PDLIM5: variants seen among roughly 807,000 people sequenced by gnomAD.
PDLIM5 encodes PDZ and LIM domain protein 5.
Under a neutral mutation model 64.2 loss-of-function variants are expected in PDLIM5, and 34 were observed. The observed-to-expected ratio is 0.53, with a 90% confidence interval of 0.40 to 0.71. The LOEUF (loss-of-function observed/expected upper bound fraction) is 0.71, where lower values mean the gene tolerates loss of function less well. Among genes scored for constraint, PDLIM5 ranks in the 30% least tolerant of loss-of-function variants. The pLI is 0.00. For missense variants in PDLIM5, 683 were observed against 733.6 expected (o/e 0.93, Z 0.80); for synonymous variants, 253 against 269.1 (o/e 0.94, Z 0.59).
At chr4:94,542,712 T>C (rs916752078) in intron 3 of PDLIM5, among the ~76,000 whole-genome samples, 1 of 152,234 alleles carries the variant, frequency 6.6e-6, no homozygotes, top group African/African-American at 2.4e-5. Context: ...ATTTTTATAA[T>C]TTCAGCTACT....
intron 2 of PDLIM5, among the ~76,000 whole-genome samples, chr4:94,517,493 A>G (rs1729466935): frequency 6.6e-6 from 1 of 152,216 alleles, no homozygotes; most frequent in Non-Finnish European, 1.5e-5. Context: ...TTCTGCCTCA[A>G]GAAAGTCTTG....
chr4:94,655,246 A>G (rs12650641), intron 10 of PDLIM5, among the ~76,000 whole-genome samples: 54,749 of 150,758 alleles, frequency 0.36, 10,982 homozygotes, highest in South Asian at 0.61. Context: ...CAGATACAGT[A>G]CATAATAAAT....
chr4:94,588,762 A>G (rs1736449620), intron 7 of PDLIM5, among the ~76,000 whole-genome samples: 1 of 152,120 alleles, frequency 6.6e-6, no homozygotes, highest in Admixed American at 6.6e-5. Flanking sequence ...TCAAGGGTCT[A>G]TTTTTATTTT....
At chr4:94,483,030 G>A (rs1336008654) in intron 2 of PDLIM5, among the ~76,000 whole-genome samples, 1 of 152,194 alleles carries the variant, frequency 6.6e-6, no homozygotes, top group Non-Finnish European at 1.5e-5. Context: ...AACTCTGAAA[G>A]TATCTAAATT....
chr4:94,494,326 T>C (rs1488084184), intron 2 of PDLIM5, among the ~76,000 whole-genome samples: 1 of 152,004 alleles, frequency 6.6e-6, no homozygotes, highest in Non-Finnish European at 1.5e-5. Context: ...AATTTCTGTA[T>C]ATTTTTTAAG....
chr4:94,644,723 A>G (rs933508376), intron 9 of PDLIM5, among the ~76,000 whole-genome samples: 1 of 151,932 alleles, frequency 6.6e-6, no homozygotes, highest in Non-Finnish European at 1.5e-5. Flanking sequence ...TTGTATTTTT[A>G]GTACAGATGG....
chr4:94,500,680 T>A (rs1012686398), intron 2 of PDLIM5, among the ~76,000 whole-genome samples: 1 of 152,202 alleles, frequency 6.6e-6, no homozygotes, highest in Non-Finnish European at 1.5e-5. Flanking sequence ...GAAGACTTTT[T>A]AAAAAGTTGC....
intron 2 of PDLIM5, among the ~76,000 whole-genome samples, chr4:94,486,195 A>G (rs1246936999): frequency 6.6e-6 from 1 of 151,318 alleles, no homozygotes; most frequent in African/African-American, 2.4e-5. Flanking sequence ...TAGTGTACAC[A>G]TTTTTTTTTG....
chr4:94,482,606 A>T (rs1264168053), intron 2 of PDLIM5, among the ~76,000 whole-genome samples: 1 of 152,170 alleles, frequency 6.6e-6, no homozygotes, highest in Non-Finnish European at 1.5e-5. Flanking sequence ...GTCTAAATTT[A>T]GTAGATGGGC....
At chr4:94,598,231 G>A (rs1737216211) in intron 7 of PDLIM5, among the ~76,000 whole-genome samples, 1 of 152,098 alleles carries the variant, frequency 6.6e-6, no homozygotes, top group South Asian at 2.1e-4. Context: ...AATATCAAAG[G>A]AGAAGTGGGA....
intron 8 of PDLIM5, among the ~76,000 whole-genome samples, chr4:94,634,490 T>C (rs1301420540): frequency 2.6e-5 from 4 of 152,002 alleles, no homozygotes; most frequent in African/African-American, 4.8e-5. Flanking sequence ...TTCTTTGGGA[T>C]ATCATCCCCC....
chr4:94,624,425 G>A (rs921771451), intron 8 of PDLIM5, among the ~76,000 whole-genome samples: 14 of 152,168 alleles, frequency 9.2e-5, no homozygotes, highest in African/African-American at 2.9e-4. Flanking sequence ...AAATTAGCTC[G>A]GATGCAAAAC....
chr4:94,529,954 A>G (rs994761529), intron 3 of PDLIM5, among the ~76,000 whole-genome samples: 1 of 152,214 alleles, frequency 6.6e-6, no homozygotes, highest in East Asian at 1.9e-4. Context: ...ACATTATTTC[A>G]GTTGATACAA....
intron 8 of PDLIM5, among the ~76,000 whole-genome samples, chr4:94,626,778 T>C (rs1455966324): frequency 1.3e-5 from 2 of 152,022 alleles, no homozygotes; most frequent in African/African-American, 4.8e-5. Flanking sequence ...ATCTGATATG[T>C]TGTTTCGGTG....
chr4:94,610,974 G>T, intron 7 of PDLIM5: 1 of 879,308 alleles, frequency 1.1e-6, no homozygotes. Flanking sequence ...CCTCTCTCTC[G>T]TAAAGGAAAT....
At chr4:94,647,211 AG>A (rs1172056288) in intron 9 of PDLIM5, among the ~76,000 whole-genome samples, 1 of 152,196 alleles carries the variant, frequency 6.6e-6, no homozygotes, top group Non-Finnish European at 1.5e-5. Flanking sequence ...AGAGAGTGGA[AG>A]GGTAGATAAA....
chr4:94,586,285 G>T, intron 6 of PDLIM5, 123 bp from the exon 7 acceptor site: 1 of 612,720 alleles, frequency 1.6e-6, no homozygotes, highest in South Asian at 2.1e-5. Context: ...GGCTACTATG[G>T]AATTCGTTTT....
rs370722182 is a variant in PDLIM5 at position 94,593,906 on chromosome 4, C to A, written c.920+7462C>A. ...TGACAGGTATCTGTCTCCATATTCT[C>A]TTTTCTCAACTACAGTAAAAGTTCT... is the stretch of plus-strand genomic sequence containing the variant. On this transcript the variant is annotated intron_variant, in intron 7 of 12. Coordinates refer to ENST00000317968, the MANE Select transcript of PDLIM5 (RefSeq NM_006457.5). Among the ~76,000 whole-genome samples, 11 of 152,252 alleles carry A rather than the reference C, an allele frequency of 7.2e-5. No homozygotes were observed. In the East Asian group the frequency reaches 1.2e-3, roughly 16 times the overall value.
intron 2 of PDLIM5, chr4:94,456,041 G>A (rs1249838106): frequency 7.5e-7 from 1 of 1,329,276 alleles, no homozygotes; most frequent in Admixed American, 3.2e-5. Flanking sequence ...AGTAATTAAA[G>A]CTTCTATTTA....
Sources: gnomAD v4.1 joint callset for allele counts (sites outside exome capture counted in the v4.1 genomes callset) on GRCh38, gnomAD v4.1.1 for gene constraint, MANE v1.5 for transcripts, NCBI Gene and HGNC (gene_info 2026-07-23, HGNC 2026-07-21) for gene names.